Variants in LDHA observed in about 807,000 individuals in gnomAD.
LDHA encodes lactate dehydrogenase A.
LDHA carries 10 observed loss-of-function variants against 36.3 expected under a neutral mutation model. The ratio of observed to expected loss-of-function variants is 0.28; its 90% CI spans 0.17 to 0.47. The LOEUF (loss-of-function observed/expected upper bound fraction) is 0.47, where lower values mean the gene tolerates loss of function less well. Ranked by LOEUF, LDHA falls within the 20% of genes least tolerant of loss-of-function variation. LDHA has a pLI of 0.99. For missense variants in LDHA, 267 were observed against 405.8 expected (o/e 0.66, Z 2.94); for synonymous variants, 110 against 136.7 (o/e 0.80, Z 1.36).
At chr11:18,406,997 C>A in intron 7 of LDHA, 120 bp from the exon 8 acceptor site, 1 of 780,916 alleles carries the variant, frequency 1.3e-6, no homozygotes, top group Non-Finnish European at 2.0e-6. Context: ...CAGAGCGAGA[C>A]TCTGCCTCAA....
At chr11:18,396,075 T>A (rs1866283223) in intron 1 of LDHA, among the ~76,000 whole-genome samples, 1 of 152,254 alleles carries the variant, frequency 6.6e-6, no homozygotes, top group African/African-American at 2.4e-5. Flanking sequence ...CCCAGCTCCC[T>A]CCCTCTCACC....
At chr11:18,405,680 A>C in intron 7 of LDHA, 108 bp downstream of exon 7, 2 of 1,236,608 alleles carry the variant, frequency 1.6e-6, no homozygotes, top group Non-Finnish European at 2.4e-6. Context: ...ACTTAAGTGA[A>C]ATAAATTAAT....
intron 1 of LDHA, among the ~76,000 whole-genome samples, chr11:18,395,978 G>C (rs1009702915): frequency 4.6e-5 from 7 of 152,238 alleles, no homozygotes; most frequent in Non-Finnish European, 1.0e-4. Flanking sequence ...TCTGGCGCTG[G>C]CTGCGCGCCA....
intron 4 of LDHA, chr11:18,402,594 A>C: frequency 2.4e-6 from 1 of 418,352 alleles, no homozygotes; most frequent in South Asian, 2.2e-5. Context: ...TGTCATGCCC[A>C]GCCAAAACTA....
rs1186472117 is a variant in LDHA at position 18,394,611 on chromosome 11, C to G, written c.-50C>G. On this transcript the variant is annotated 5_prime_UTR_variant, in exon 1 of 8. Coordinates refer to ENST00000422447, the MANE Select transcript of LDHA (RefSeq NM_005566.4). ...TCCGGATCTCATTGCCACGCGCCCCCGACGACCGCCCGACGTGCATTCCCG... is the reference window on the plus strand; with the variant it reads ...TCCGGATCTCATTGCCACGCGCCCCGGACGACCGCCCGACGTGCATTCCCG... 2 of 454,034 alleles carry G rather than the reference C, an allele frequency of 4.4e-6. No individual in the cohort carries two copies. The highest frequency in any genetic ancestry group is 4.0e-5 in the African/African-American group (2 of 50,012). 28.1% of individuals were successfully genotyped at this position (454,034 alleles called of 1,614,324 possible).
At chr11:18,395,940 C>T (rs1256658037) in intron 1 of LDHA, among the ~76,000 whole-genome samples, 1 of 152,244 alleles carries the variant, frequency 6.6e-6, no homozygotes, top group African/African-American at 2.4e-5. Flanking sequence ...GGTTAACAGG[C>T]CCTGGTTTCT....
In LDHA at chr11:18,394,566, C is replaced by T. The variant is rs1866217817; in HGVS notation, c.-95C>T. On this transcript the variant is annotated 5_prime_UTR_variant, in exon 1 of 8. Transcript: ENST00000422447. The stretch of plus-strand genomic sequence containing the variant: ...CCCCTCCCGCGCCCAGCTCAGAGTG[C>T]TGCAGCCGCTGCCGCCGATTCCGGA... 2.2e-6 allele frequency: 1 copy of T among 454,120 alleles called. No homozygotes were observed. The highest frequency in any genetic ancestry group is 4.4e-6 in the Non-Finnish European group (1 of 226,792). 28.1% of individuals were successfully genotyped at this position (454,120 alleles called of 1,614,324 possible). A position where few individuals can be genotyped will look rare whatever the true frequency, so the allele number is the denominator to read the frequency against.
chr11:18,405,355 T>C, intron 6 of LDHA, 94 bp from the exon 7 acceptor site: 1 of 1,258,372 alleles, frequency 7.9e-7, no homozygotes, highest in Non-Finnish European at 1.2e-6. Context: ...TGTGGCATTA[T>C]TTACTGTAAA....
intron 7 of LDHA, chr11:18,405,787 CAA>C (rs905706599): frequency 2.0e-6 from 1 of 501,180 alleles, no homozygotes; most frequent in Non-Finnish European, 3.6e-6. Flanking sequence ...AATTTGACTA[CAA>C]AAAAGTCTTG....
chr11:18,396,217 A>G (rs1317256998), intron 1 of LDHA: 1 of 279,210 alleles, frequency 3.6e-6, no homozygotes, highest in Non-Finnish European at 6.6e-6. Context: ...GCGCGCTGTA[A>G]TGCGCATGCG....
intron 1 of LDHA, 147 bp from the exon 2 acceptor site, chr11:18,396,672 A>G: frequency 4.3e-6 from 6 of 1,381,296 alleles, no homozygotes; most frequent in Non-Finnish European, 5.7e-6. Flanking sequence ...TTTGGCAACC[A>G]TTAGGTTTTT....
At chr11:18,404,856 G>A (rs1319132395) in intron 6 of LDHA, among the ~76,000 whole-genome samples, 1 of 151,172 alleles carries the variant, frequency 6.6e-6, no homozygotes. Context: ...TCTTGTGATT[G>A]GTCAAGCAAG....
intron 7 of LDHA, 63 bp downstream of exon 7, chr11:18,405,635 T>C: frequency 6.4e-7 from 1 of 1,554,294 alleles, no homozygotes. Context: ...AAAAAGATTC[T>C]TCTGAGAAAG....
chr11:18,400,525 A>C, intron 3 of LDHA: 1 of 394,308 alleles, frequency 2.5e-6, no homozygotes, highest in Non-Finnish European at 4.9e-6. Flanking sequence ...AGTTAAGTAG[A>C]AACAGGAGTA....
At position 18,396,162 on chromosome 11, in the gene LDHA, C is replaced by G. The variant is rs1005933237; in HGVS notation, c.-24-657C>G. On this transcript the variant is annotated intron_variant, in intron 1 of 7. Transcript: ENST00000422447. ...GCCTTCTGCCTTCTGGCCCGATGCC[C>G]GCTTCCCAACGGCCGGAGGCCGCTA... 8.5e-5 allele frequency: 16 copies of G among 188,826 alleles called. No homozygotes were observed. The East Asian group carries it at 2.0e-3, about 23-fold the overall frequency. 11.7% of individuals were successfully genotyped at this position (188,826 alleles called of 1,614,324 possible).
Position 18,407,756 on chromosome 11 carries a change from C to T in LDHA, c.*475C>T, listed in dbSNP as rs1235919881. The T allele has an allele frequency of 1.1e-5, 5 of 461,696 alleles. No homozygotes were observed. The highest frequency in any genetic ancestry group is 2.0e-5 in the African/African-American group (1 of 50,270). 28.6% of individuals were successfully genotyped at this position (461,696 alleles called of 1,614,324 possible). On this transcript the variant is annotated 3_prime_UTR_variant, in exon 8 of 8. Transcript: ENST00000422447. ...TGAACTATATCAGTAGTGTACATTA[C>T]CATATAATGTAAAAAGATCTACATA...
At chr11:18,403,669 A>T in intron 5 of LDHA, 25 bp from the exon 6 acceptor site, 1 of 1,275,890 alleles carries the variant, frequency 7.8e-7, no homozygotes, top group South Asian at 1.2e-5. Context: ...ATGAAAATAA[A>T]TGTAGTCTGT....
chr11:18,400,059 A>G, intron 3 of LDHA: 1 of 190,672 alleles, frequency 5.2e-6, no homozygotes, highest in East Asian at 1.2e-4. Flanking sequence ...TGTCCATGCT[A>G]TGCAAACCAT....
intron 3 of LDHA, chr11:18,399,834 A>T (rs1866418816): frequency 2.6e-6 from 1 of 381,922 alleles, no homozygotes; most frequent in African/African-American, 2.1e-5. Context: ...GGCTCAAGTG[A>T]TCCTCCCTCC....
Sources: allele counts gnomAD v4.1 joint callset (sites outside exome capture counted in the v4.1 genomes callset), GRCh38; gene constraint gnomAD v4.1.1; transcripts MANE v1.5; gene names NCBI Gene and HGNC (gene_info 2026-07-23, HGNC 2026-07-21).